The following TDRD3 variants were observed in gnomAD, a reference collection of about 807,000 sequenced individuals.
TDRD3 encodes the protein tudor domain-containing protein 3.
In TDRD3, 45 loss-of-function variants were observed where a neutral mutation model predicts 86.7. The ratio of observed to expected loss-of-function variants is 0.52; its 90% CI spans 0.41 to 0.67. The LOEUF is 0.67. Ranked by LOEUF, TDRD3 falls within the 30% of genes least tolerant of loss-of-function variation. TDRD3 has a pLI of 0.00. For missense variants in TDRD3, 814 were observed against 889.0 expected, an observed-to-expected ratio of 0.92 and a Z score of 1.07; for synonymous variants, 298 against 301.7, an observed-to-expected ratio of 0.99 and a Z score of 0.13.
At chr13:60,487,506 C>G (rs183521412) in intron 7 of TDRD3, among the ~76,000 whole-genome samples, 3 of 151,902 alleles carry the variant, frequency 2.0e-5, no homozygotes, top group African/African-American at 7.3e-5. Context: ...AAAAAGTATG[C>G]AAGAGGATGT....
rs73208067 is a variant in TDRD3, at chr13:60,458,628, T to C, written c.193-1752T>C. Reference sequence around the variant, plus strand: ...GATGCATGAGTCTCATTTTGGAACATGTAGGCCTAGATCATCACCAACTGT... The same window carrying C: ...GATGCATGAGTCTCATTTTGGAACACGTAGGCCTAGATCATCACCAACTGT... On this transcript the variant is annotated intron_variant, in intron 3 of 13. Coordinates refer to ENST00000377881, the MANE Select transcript of TDRD3 (RefSeq NM_001146070.2). 7.2e-3 allele frequency among the ~76,000 whole-genome samples: 1,098 copies of C among 152,306 alleles called. 9 individuals carry two copies. The highest frequency in any genetic ancestry group is 0.024 in the Middle Eastern group (7 of 294).
At chr13:60,538,976 G>A (rs1270599056) in intron 12 of TDRD3, among the ~76,000 whole-genome samples, 2 of 152,112 alleles carry the variant, frequency 1.3e-5, no homozygotes, top group Non-Finnish European at 1.5e-5. Context: ...AAAGTTCATA[G>A]TATCTGCTTC....
At chr13:60,466,487 G>T (rs1955932547) in intron 4 of TDRD3, among the ~76,000 whole-genome samples, 1 of 151,724 alleles carries the variant, frequency 6.6e-6, no homozygotes, top group East Asian at 1.9e-4. Context: ...TTGTCATTGA[G>T]ATAGAAAATG....
At chr13:60,538,731 C>T (rs745900232) in intron 12 of TDRD3, among the ~76,000 whole-genome samples, 25 of 152,052 alleles carry the variant, frequency 1.6e-4, no homozygotes, top group Non-Finnish European at 3.5e-4. Context: ...AACTCTAAAA[C>T]GAATTCCAGG....
chr13:60,433,098 T>A (rs1954995795), intron 1 of TDRD3, among the ~76,000 whole-genome samples: 1 of 152,220 alleles, frequency 6.6e-6, no homozygotes, highest in African/African-American at 2.4e-5. Flanking sequence ...TCATTGGCAT[T>A]TTAAAGACTT....
chr13:60,459,639 G>A (rs1955762667), intron 3 of TDRD3, among the ~76,000 whole-genome samples: 1 of 152,148 alleles, frequency 6.6e-6, no homozygotes, highest in Admixed American at 6.5e-5. Context: ...TTGTTGTGTT[G>A]AGACGGAGTC....
At chr13:60,419,974 G>T (rs766345741) in intron 1 of TDRD3, among the ~76,000 whole-genome samples, 12 of 151,584 alleles carry the variant, frequency 7.9e-5, no homozygotes, top group Non-Finnish European at 1.5e-4. Flanking sequence ...GACAAAAAGA[G>T]ATGAAAAGGT....
At chr13:60,520,685 G>A (rs1215890240) in intron 10 of TDRD3, among the ~76,000 whole-genome samples, 2 of 152,168 alleles carry the variant, frequency 1.3e-5, no homozygotes, top group East Asian at 3.9e-4. Context: ...AGGGCAATGG[G>A]TCTTAACTAC....
In TDRD3 at chr13:60,510,657, G is replaced by A; in HGVS notation, c.1043G>A (p.Arg348Lys). 2 of 1,604,398 alleles carry A rather than the reference G, an allele frequency of 1.2e-6. No homozygotes were observed. Among genetic ancestry groups the A allele is most frequent in the Non-Finnish European group, 1.7e-6 (2 of 1,175,370 alleles). ...RGRGKGRGRI[R>K]SEDEEDLGNA... ...AGAGGAAAAGGCAGGGGGCGAATAAGATCTGAAGATGAAGAGGACCTGGGA... is the reference window on the plus strand; with the variant it reads ...AGAGGAAAAGGCAGGGGGCGAATAAAATCTGAAGATGAAGAGGACCTGGGA... The change falls in exon 10 of 14, where the codon AGA (arginine) becomes AAA (lysine). Residue 348 changes from arginine (R) to lysine (K), a missense_variant. Coordinates refer to ENST00000377881, the MANE Select transcript of TDRD3 (RefSeq NM_001146070.2).
intron 5 of TDRD3, among the ~76,000 whole-genome samples, chr13:60,476,262 T>C (rs887147658): frequency 6.6e-6 from 1 of 152,208 alleles, no homozygotes; most frequent in African/African-American, 2.4e-5. Context: ...GCATATTGGC[T>C]AGCCAGTTAT....
chr13:60,532,750 G>A (rs979874625), intron 11 of TDRD3, among the ~76,000 whole-genome samples: 11 of 151,574 alleles, frequency 7.3e-5, no homozygotes, highest in African/African-American at 1.5e-4. Flanking sequence ...TATTTTTTTC[G>A]TCAACTGAAA....
In TDRD3 at chr13:60,397,314, C is replaced by T; in HGVS notation, c.-51C>T. ...GGGGGGGGTCTCAAGTAGGAGGCCT[C>T]CCCATCACCCCCACCCCAGCCCCCC... On this transcript the variant is annotated 5_prime_UTR_variant, in exon 1 of 14. Coordinates refer to ENST00000377881, the MANE Select transcript of TDRD3 (RefSeq NM_001146070.2). The T allele has an allele frequency of 1.0e-6, 1 of 1,000,086 alleles. No individual in the cohort carries two copies. The allele number at this position is 1,000,086 out of a possible 1,614,324, so 62.0% of individuals were successfully genotyped here. A position where few individuals can be genotyped will look rare whatever the true frequency, so the allele number is the denominator to read the frequency against.
chr13:60,453,651 A>G (rs1402030636), intron 3 of TDRD3, among the ~76,000 whole-genome samples: 1 of 152,188 alleles, frequency 6.6e-6, no homozygotes, highest in Non-Finnish European at 1.5e-5. Context: ...CATGTTAATC[A>G]CTAGGTTAAT....
intron 12 of TDRD3, among the ~76,000 whole-genome samples, chr13:60,544,443 TAAA>T (rs34582725): frequency 1.5e-5 from 2 of 130,434 alleles, no homozygotes; most frequent in African/African-American, 2.9e-5. Flanking sequence ...CATATCTCTT[TAAA>T]AAAAAAAAAA....
At chr13:60,450,905 C>A (rs1007486352) in intron 3 of TDRD3, among the ~76,000 whole-genome samples, 2 of 151,948 alleles carry the variant, frequency 1.3e-5, no homozygotes, top group African/African-American at 4.8e-5. Context: ...GGGTAGATGC[C>A]CCATATCGGG....
chr13:60,568,956 T>G (rs966770889), intron 13 of TDRD3, among the ~76,000 whole-genome samples: 5 of 150,488 alleles, frequency 3.3e-5, no homozygotes, highest in African/African-American at 1.2e-4. Flanking sequence ...ACCGCAATTG[T>G]TTTTTTTCCC....
intron 8 of TDRD3, among the ~76,000 whole-genome samples, chr13:60,498,760 T>C (rs573015265): frequency 3.9e-4 from 60 of 152,206 alleles, no homozygotes; most frequent in African/African-American, 1.4e-3. Flanking sequence ...TTTACCAGGG[T>C]AACTGTGCAT....
chr13:60,434,526 T>A (rs1414302044), intron 1 of TDRD3, among the ~76,000 whole-genome samples: 3 of 152,050 alleles, frequency 2.0e-5, no homozygotes, highest in African/African-American at 4.8e-5. Context: ...ATTGCATTAT[T>A]TGAAGGTAAA....
chr13:60,480,186 T>C (rs1956279932), intron 5 of TDRD3, among the ~76,000 whole-genome samples: 1 of 152,224 alleles, frequency 6.6e-6, no homozygotes, highest in Non-Finnish European at 1.5e-5. Context: ...AAGGCAGGTC[T>C]GGTGGTAATA....
Sources: gnomAD v4.1 joint callset for allele counts (sites outside exome capture counted in the v4.1 genomes callset) on GRCh38, gnomAD v4.1.1 for gene constraint, MANE v1.5 for transcripts, NCBI Gene and HGNC (gene_info 2026-07-23, HGNC 2026-07-21) for gene names.